Variants in SCAPER observed in about 807,000 individuals in gnomAD.
SCAPER encodes the protein S phase cyclin A-associated protein in the endoplasmic reticulum.
In SCAPER, 98 loss-of-function variants were observed where a neutral mutation model predicts 182.2. The ratio of observed to expected loss-of-function variants is 0.54; its 90% CI spans 0.46 to 0.64. The LOEUF (loss-of-function observed/expected upper bound fraction) is 0.64, where lower values mean the gene tolerates loss of function less well. SCAPER is among the 30% of genes least tolerant of loss of function. The probability of loss-of-function intolerance (pLI) is 0.00; values close to 1 mark genes in which losing one functional copy is unlikely to be tolerated. For synonymous variants in SCAPER, 605 were observed against 564.6 expected, an observed-to-expected ratio of 1.07 and a Z score of -1.01; for missense variants, 1,432 against 1,690.0, an observed-to-expected ratio of 0.85 and a Z score of 2.68.
At chr15:76,712,109 T>C (rs1459320399) in intron 17 of SCAPER, among the ~76,000 whole-genome samples, 1 of 152,220 alleles carries the variant, frequency 6.6e-6, no homozygotes, top group East Asian at 1.9e-4. Flanking sequence ...TGAATTAATT[T>C]TTGTATAAGG....
chr15:76,384,043 G>A (rs1035730594), intron 27 of SCAPER, among the ~76,000 whole-genome samples: 3 of 152,168 alleles, frequency 2.0e-5, no homozygotes, highest in African/African-American at 7.2e-5. Context: ...AAAGCCAAAA[G>A]AGTTAGGGGT....
At chr15:76,560,283 C>T (rs2046515113) in intron 23 of SCAPER, among the ~76,000 whole-genome samples, 2 of 152,138 alleles carry the variant, frequency 1.3e-5, no homozygotes, top group Admixed American at 6.5e-5. Flanking sequence ...GAAACTGAAA[C>T]TTACAAAGGT....
Position 76,535,382 on chromosome 15 carries a change from C to T in SCAPER, c.2839-30408G>A, listed in dbSNP as rs931710375. The stretch of plus-strand genomic sequence containing the variant: ...ACTAAAAAAACAAAAATTAGCCAGG[C>T]GTGGTGGCGGGCACCTGTAGTCCCA... On this transcript the variant is annotated intron_variant, in intron 23 of 31. Coordinates refer to ENST00000563290, the MANE Select transcript of SCAPER (RefSeq NM_020843.4). Among the ~76,000 whole-genome samples, 15 of 151,708 alleles carry T rather than the reference C, an allele frequency of 9.9e-5. No individual in the cohort carries two copies. The East Asian group carries it at 2.7e-3, about 28-fold the overall frequency.
chr15:76,386,571 T>C (rs975300467), intron 27 of SCAPER, among the ~76,000 whole-genome samples: 7 of 152,272 alleles, frequency 4.6e-5, no homozygotes, highest in Middle Eastern at 3.4e-3. Flanking sequence ...GGAATGTGTG[T>C]GAAGCTACTT....
chr15:76,888,927 G>C (rs1298004274), intron 1 of SCAPER, among the ~76,000 whole-genome samples: 1 of 152,202 alleles, frequency 6.6e-6, no homozygotes, highest in South Asian at 2.1e-4. Context: ...CAGCCAGAGA[G>C]AAAGGTCAGG....
chr15:76,378,025 A>G (rs1457619052), intron 28 of SCAPER, among the ~76,000 whole-genome samples: 1 of 152,212 alleles, frequency 6.6e-6, no homozygotes, highest in South Asian at 2.1e-4. Context: ...CTTAATCTCT[A>G]TTTTACAGAT....
At chr15:76,774,678 T>C (rs900985042) in intron 9 of SCAPER, among the ~76,000 whole-genome samples, 177 bp downstream of exon 9, 1 of 152,210 alleles carries the variant, frequency 6.6e-6, no homozygotes, top group Non-Finnish European at 1.5e-5. Context: ...TTTGTGAATG[T>C]AGGTGAACAG....
chr15:76,690,092 T>TG (rs1410471459), intron 20 of SCAPER, among the ~76,000 whole-genome samples: 2 of 151,314 alleles, frequency 1.3e-5, no homozygotes, highest in Admixed American at 6.6e-5. Flanking sequence ...TTCCAAGATA[T>TG]GGAAAAAAAA....
intron 4 of SCAPER, among the ~76,000 whole-genome samples, chr15:76,842,747 A>C (rs1372751636): frequency 6.6e-6 from 1 of 152,094 alleles, no homozygotes; most frequent in African/African-American, 2.4e-5. Flanking sequence ...TATTACCTCC[A>C]CTTTACAGAT....
intron 4 of SCAPER, among the ~76,000 whole-genome samples, chr15:76,855,351 G>A (rs1433167099): frequency 2.0e-5 from 3 of 149,136 alleles, no homozygotes; most frequent in Non-Finnish European, 3.0e-5. Context: ...TACCATCCTC[G>A]ACATAGGAAC....
chr15:76,374,435 CT>C (rs1199703741), intron 29 of SCAPER, among the ~76,000 whole-genome samples: 3 of 150,384 alleles, frequency 2.0e-5, no homozygotes, highest in Non-Finnish European at 3.0e-5. Flanking sequence ...TGTTCAGAGG[CT>C]TTTTTTAATC....
chr15:76,526,380 C>A (rs2043197830), intron 23 of SCAPER, among the ~76,000 whole-genome samples: 1 of 152,182 alleles, frequency 6.6e-6, no homozygotes. Flanking sequence ...CATAATCTGT[C>A]TCTACTCTAG....
At chr15:76,586,443 C>A (rs932214105) in intron 22 of SCAPER, among the ~76,000 whole-genome samples, 6 of 152,076 alleles carry the variant, frequency 3.9e-5, no homozygotes, top group Non-Finnish European at 7.4e-5. Context: ...CCCCAAGAAG[C>A]TCTTGTTTCT....
chr15:76,694,101 T>C (rs1436196322), intron 20 of SCAPER, among the ~76,000 whole-genome samples: 1 of 152,098 alleles, frequency 6.6e-6, no homozygotes, highest in Non-Finnish European at 1.5e-5. Context: ...CATACAAATT[T>C]TAGGAGGTTT....
chr15:76,840,508 C>T (rs536088492), intron 5 of SCAPER, among the ~76,000 whole-genome samples: 1 of 151,840 alleles, frequency 6.6e-6, no homozygotes, highest in Middle Eastern at 3.4e-3. Context: ...GTTTCAACTA[C>T]TGTTCATTTT....
chr15:76,623,951 T>C (rs1383820771), intron 21 of SCAPER, among the ~76,000 whole-genome samples: 2 of 152,090 alleles, frequency 1.3e-5, no homozygotes, highest in Non-Finnish European at 1.5e-5. Flanking sequence ...GCCAATACCA[T>C]AGTTGATGGG....
intron 21 of SCAPER, among the ~76,000 whole-genome samples, chr15:76,635,470 T>C (rs1163381598): frequency 6.6e-6 from 1 of 152,154 alleles, no homozygotes; most frequent in East Asian, 1.9e-4. Flanking sequence ...TGAAACAACA[T>C]TATTTGAGGA....
At chr15:76,421,307 G>A (rs907999771) in intron 26 of SCAPER, among the ~76,000 whole-genome samples, 173 of 152,160 alleles carry the variant, frequency 1.1e-3, no homozygotes, top group Non-Finnish European at 1.7e-3. Context: ...TTTAATGATC[G>A]CCATTCTAAC....
intron 26 of SCAPER, among the ~76,000 whole-genome samples, chr15:76,422,054 G>A (rs1284564569): frequency 3.9e-5 from 6 of 152,280 alleles, no homozygotes; most frequent in Admixed American, 6.5e-5. Flanking sequence ...GTCAGGTAGC[G>A]TGATGCCTCC....
Sources: gnomAD v4.1 joint callset for allele counts (sites outside exome capture counted in the v4.1 genomes callset) on GRCh38, gnomAD v4.1.1 for gene constraint, MANE v1.5 for transcripts, NCBI Gene and HGNC (gene_info 2026-07-23, HGNC 2026-07-21) for gene names.